The following EML4 variants were observed in gnomAD, a reference collection of about 807,000 sequenced individuals.
EML4 encodes EMAP like 4, also known as echinoderm microtubule-associated protein-like 4.
Under a neutral mutation model 129.0 loss-of-function variants are expected in EML4, and 72 were observed. The ratio of observed to expected loss-of-function variants is 0.56; its 90% CI spans 0.46 to 0.68. The LOEUF (loss-of-function observed/expected upper bound fraction) is 0.68. Ranked by LOEUF, EML4 falls within the 30% of genes least tolerant of loss-of-function variation. The pLI is 0.00. For synonymous variants in EML4, 532 were observed against 405.0 expected, an observed-to-expected ratio of 1.31 and a Z score of -3.77; for missense variants, 1,363 against 1,190.6, an observed-to-expected ratio of 1.14 and a Z score of -2.13.
intron 1 of EML4, among the ~76,000 whole-genome samples, chr2:42,206,453 A>T (rs1200459498): frequency 1.3e-5 from 2 of 152,116 alleles, no homozygotes; most frequent in Non-Finnish European, 1.5e-5. Context: ...TGGCCTCAAG[A>T]GTCCTCCTGC....
At chr2:42,324,037 G>A (rs1242903532) in intron 19 of EML4, among the ~76,000 whole-genome samples, 1 of 151,192 alleles carries the variant, frequency 6.6e-6, no homozygotes, top group Non-Finnish European at 1.5e-5. Context: ...GCTCACACCT[G>A]TAATCCCAGC....
At chr2:42,234,884 T>C (rs2104226636) in intron 1 of EML4, among the ~76,000 whole-genome samples, 1 of 152,370 alleles carries the variant, frequency 6.6e-6, no homozygotes, top group East Asian at 1.9e-4. Context: ...GGCCGGGCAC[T>C]GTGGCTCATG....
At chr2:42,319,548 C>T (rs751678291) in intron 19 of EML4, 4 of 152,208 alleles carry the variant, frequency 2.6e-5, no homozygotes, top group Admixed American at 1.3e-4. Flanking sequence ...TCAGTTCTTG[C>T]TGCCTATTTC....
At chr2:42,224,574 T>C (rs1673829131) in intron 1 of EML4, among the ~76,000 whole-genome samples, 2 of 152,050 alleles carry the variant, frequency 1.3e-5, no homozygotes, top group Admixed American at 1.3e-4. Context: ...ACTTTAGGAG[T>C]GGCGTTGCTG....
chr2:42,318,855 C>T (rs1038899080), intron 19 of EML4, among the ~76,000 whole-genome samples: 5 of 152,010 alleles, frequency 3.3e-5, no homozygotes, highest in African/African-American at 1.2e-4. Context: ...TAGGTGTGTG[C>T]CACCTTGCCC....
In EML4 at chr2:42,263,227, T is replaced by G. The variant is rs779948023; in HGVS notation, c.562T>G (p.Ser188Ala). ...AEKSHNSWEN[S>A]DDSRNKLSKI... is the part of the protein sequence containing the mutation. ...AAAGTCACATAATTCTTGGGAAAAT[T>G]CAGATGATAGCCGTAATAAATTGTC... Residue 188 changes from serine (S) to alanine (A), a missense_variant, in exon 5 of 23, where the codon TCA (serine) becomes GCA (alanine). Ser to Ala is a moderately conservative substitution (Grantham distance 99). Coordinates refer to ENST00000318522, the MANE Select transcript of EML4 (RefSeq NM_019063.5). 1 of 1,613,172 alleles carries G rather than the reference T, an allele frequency of 6.2e-7. No homozygotes were observed. Among genetic ancestry groups the G allele is most frequent in the South Asian group, 1.1e-5 (1 of 90,852 alleles).
At chr2:42,306,303 G>GT (rs1668589721) in intron 17 of EML4, among the ~76,000 whole-genome samples, 1 of 152,094 alleles carries the variant, frequency 6.6e-6, no homozygotes, top group South Asian at 2.1e-4. Flanking sequence ...AAAAAAAATG[G>GT]TTAAGCACAC....
At chr2:42,272,439 A>AT (rs1253559313) in intron 6 of EML4, among the ~76,000 whole-genome samples, 1 of 152,084 alleles carries the variant, frequency 6.6e-6, no homozygotes, top group Non-Finnish European at 1.5e-5. Context: ...GACCACCCAG[A>AT]TTTATCAGAT....
At chr2:42,171,422 G>T (rs965349514) in intron 1 of EML4, among the ~76,000 whole-genome samples, 4 of 152,194 alleles carry the variant, frequency 2.6e-5, no homozygotes, top group African/African-American at 9.6e-5. Context: ...TGTTTAGGAG[G>T]AGTCTTTCTC....
intron 1 of EML4, among the ~76,000 whole-genome samples, chr2:42,217,632 A>G (rs941230996): frequency 6.6e-6 from 1 of 152,168 alleles, no homozygotes; most frequent in Non-Finnish European, 1.5e-5. Flanking sequence ...CTTTCTGAGG[A>G]TTCTTAAAAT....
chr2:42,231,206 T>C (rs1433665177), intron 1 of EML4, among the ~76,000 whole-genome samples: 4 of 152,342 alleles, frequency 2.6e-5, no homozygotes, highest in East Asian at 3.9e-4. Flanking sequence ...TTAGTCATTG[T>C]CTTTTGATAT....
chr2:42,236,643 G>T (rs982078022), intron 1 of EML4, among the ~76,000 whole-genome samples: 1 of 152,130 alleles, frequency 6.6e-6, no homozygotes, highest in Non-Finnish European at 1.5e-5. Context: ...AGAAAAGTTT[G>T]TTGACTCCTA....
At chr2:42,286,110 A>T (rs1025339724) in intron 9 of EML4, 159 bp from the exon 10 acceptor site, 1 of 662,412 alleles carries the variant, frequency 1.5e-6, no homozygotes, top group Non-Finnish European at 2.8e-6. Flanking sequence ...GTATAAGAAA[A>T]TACCTACTTA....
chr2:42,245,751 C>T (rs964314823), intron 2 of EML4, 64 bp downstream of exon 2: 1 of 1,441,348 alleles, frequency 6.9e-7, no homozygotes, highest in Non-Finnish European at 9.3e-7. Context: ...AAAGTTGAAG[C>T]TGGAAATATA....
rs755899579 is a variant in EML4 at position 42,326,261 on chromosome 2, A to G, written c.2341+9A>G. ...AGGATTTCAAGTATTTGGTAAGGAA[A>G]TGACACCTGATGTAAAGAAGTGGTT... On this transcript the variant is annotated intron_variant, in intron 21 of 22. Transcript: ENST00000318522. 1 of 1,574,526 alleles carries G rather than the reference A, an allele frequency of 6.4e-7. No individual in the cohort carries two copies. The highest frequency in any genetic ancestry group is 8.7e-7 in the Non-Finnish European group (1 of 1,149,248).
chr2:42,250,966 C>T (rs1675727567), intron 2 of EML4, among the ~76,000 whole-genome samples: 1 of 152,150 alleles, frequency 6.6e-6, no homozygotes, highest in African/African-American at 2.4e-5. Flanking sequence ...CTAGATCCCT[C>T]ACATGTACAG....
intron 1 of EML4, among the ~76,000 whole-genome samples, chr2:42,237,292 A>C (rs745482139): frequency 9.2e-5 from 14 of 152,082 alleles, no homozygotes; most frequent in Admixed American, 3.3e-4. Context: ...ATGTGTATGG[A>C]TTACTTTCTC....
At chr2:42,325,959 TC>T (rs1181726123) in intron 20 of EML4, 194 bp from the exon 21 acceptor site, 1 of 395,708 alleles carries the variant, frequency 2.5e-6, no homozygotes, top group African/African-American at 2.2e-5. Context: ...AAAAAAAACT[TC>T]CATGGGAAAC....
chr2:42,257,245 A>G (rs980029695), intron 3 of EML4, among the ~76,000 whole-genome samples: 1 of 152,276 alleles, frequency 6.6e-6, no homozygotes, highest in African/African-American at 2.4e-5. Flanking sequence ...TTACTCCAAT[A>G]AAAGTGCTCA....
Sources: gnomAD v4.1 joint callset for allele counts (sites outside exome capture counted in the v4.1 genomes callset) on GRCh38, gnomAD v4.1.1 for gene constraint, MANE v1.5 for transcripts, NCBI Gene and HGNC (gene_info 2026-07-23, HGNC 2026-07-21) for gene names.